MICU2: variants seen among roughly 807,000 people sequenced by gnomAD.
The protein encoded by MICU2 is calcium uptake protein 2, mitochondrial.
A neutral mutation model predicts 60.4 loss-of-function variants in MICU2; 64 were observed. That is an observed-to-expected ratio of 1.06 (90% CI 0.87 to 1.31). MICU2 has a LOEUF of 1.31. Among genes scored for constraint, MICU2 ranks in the 50% most tolerant of loss-of-function variants. The probability of loss-of-function intolerance (pLI) is 0.00; values close to 1 mark genes in which losing one functional copy is unlikely to be tolerated. For synonymous variants in MICU2, 201 were observed against 175.0 expected, an observed-to-expected ratio of 1.15 and a Z score of -1.17; for missense variants, 569 against 531.0, an observed-to-expected ratio of 1.07 and a Z score of -0.70.
At chr13:21,548,836 G>A (rs1178179059) in intron 2 of MICU2, among the ~76,000 whole-genome samples, 1 of 151,292 alleles carries the variant, frequency 6.6e-6, no homozygotes, top group Non-Finnish European at 1.5e-5. Flanking sequence ...AGGTGGGAGG[G>A]TTATACAAGG....
At chr13:21,591,476 A>C (rs535225763) in intron 1 of MICU2, among the ~76,000 whole-genome samples, 45 of 152,328 alleles carry the variant, frequency 3.0e-4, no homozygotes, top group Middle Eastern at 3.4e-3. Context: ...AATGAGACAG[A>C]AAATTAACAT....
At position 21,549,419 on chromosome 13, in the gene MICU2, CA is replaced by C; in HGVS notation, c.359-9732del. Among the ~76,000 whole-genome samples the C allele has an allele frequency of 1.3e-5, 2 of 152,204 alleles. 1 individual carries two copies. The highest frequency in any genetic ancestry group is 4.8e-5 in the African/African-American group (2 of 41,546). ...ACACAGTTCAACTGCAATTAATTTTCAAATTTAAGATTCATTTGTGGAATTT... is the reference window on the plus strand; with the variant it reads ...ACACAGTTCAACTGCAATTAATTTTCAATTTAAGATTCATTTGTGGAATTT... On this transcript the variant is annotated intron_variant, in intron 2 of 11. Coordinates refer to ENST00000382374, the MANE Select transcript of MICU2 (RefSeq NM_152726.3).
intron 4 of MICU2, among the ~76,000 whole-genome samples, chr13:21,533,484 C>T (rs550443864): frequency 1.0e-3 from 156 of 152,006 alleles, no homozygotes; most frequent in Non-Finnish European, 1.6e-3. Context: ...CCACTGCGCC[C>T]GGCTGATTTT....
At chr13:21,540,033 C>T (rs988325121) in intron 2 of MICU2, among the ~76,000 whole-genome samples, 1 of 152,084 alleles carries the variant, frequency 6.6e-6, no homozygotes, top group African/African-American at 2.4e-5. Flanking sequence ...ATTAAAATCA[C>T]TCTCTTTTTA....
intron 2 of MICU2, among the ~76,000 whole-genome samples, chr13:21,552,291 T>C (rs1287207811): frequency 6.6e-6 from 1 of 152,210 alleles, no homozygotes; most frequent in African/African-American, 2.4e-5. Flanking sequence ...GTTTTTTTCT[T>C]GTAAATTTGT....
At chr13:21,494,191 A>T (rs2138123865) in intron 11 of MICU2, among the ~76,000 whole-genome samples, 1 of 152,240 alleles carries the variant, frequency 6.6e-6, no homozygotes, top group South Asian at 2.1e-4. Context: ...AATAATATTT[A>T]TTTTTCCCTA....
intron 9 of MICU2, among the ~76,000 whole-genome samples, chr13:21,497,350 G>A (rs1011469642): frequency 6.6e-6 from 1 of 152,148 alleles, no homozygotes; most frequent in Non-Finnish European, 1.5e-5. Flanking sequence ...GGGTGATGGA[G>A]TGAGACTCTG....
In MICU2 at chr13:21,513,739, C is replaced by CAAAAAA. The variant is rs376128312; in HGVS notation, c.663+608_663+613dup. Among the ~76,000 whole-genome samples, 43 of 59,086 alleles carry CAAAAAA rather than the reference C, an allele frequency of 7.3e-4. 2 individuals carry two copies. Among genetic ancestry groups the CAAAAAA allele is most frequent in the East Asian group, 4.1e-3 (6 of 1,458 alleles). 38.8% of individuals were successfully genotyped at this position (59,086 alleles called of 152,430 possible). ...TGGGAGACTGAGTGAGACTCTGTCT[C>CAAAAAA]AAAAAAAAAAAAAAAAAAAAAAAAA... On this transcript the variant is annotated intron_variant, in intron 7 of 11. Transcript: ENST00000382374.
At chr13:21,556,271 T>C (rs905678247) in intron 2 of MICU2, among the ~76,000 whole-genome samples, 1 of 152,204 alleles carries the variant, frequency 6.6e-6, no homozygotes, top group Non-Finnish European at 1.5e-5. Context: ...GCATTTTTCA[T>C]AGTTGATTAC....
chr13:21,555,257 T>C (rs1487244632), intron 2 of MICU2, among the ~76,000 whole-genome samples: 1 of 152,186 alleles, frequency 6.6e-6, no homozygotes, highest in African/African-American at 2.4e-5. Flanking sequence ...TGAACACTGA[T>C]GCAAAAATCC....
intron 1 of MICU2, among the ~76,000 whole-genome samples, chr13:21,574,283 T>C (rs1230443865): frequency 1.3e-5 from 2 of 152,092 alleles, no homozygotes; most frequent in Admixed American, 6.5e-5. Flanking sequence ...CTACTAAATA[T>C]ATGGAAAAAG....
chr13:21,515,488 G>A (rs1408204028), intron 6 of MICU2: 1 of 390,636 alleles, frequency 2.6e-6, no homozygotes, highest in Admixed American at 3.1e-5. Flanking sequence ...TACTAATTAG[G>A]ACACTGTAAA....
At chr13:21,517,770 G>GACACACACACACACACACACACAC in intron 6 of MICU2, among the ~76,000 whole-genome samples, 1 of 144,612 alleles carries the variant, frequency 6.9e-6, no homozygotes, top group African/African-American at 2.5e-5. Context: ...ACAGAGCGAG[G>GACACACACACACACACACACACAC]ACACACACAC....
chr13:21,508,128 C>CT (rs796385356), intron 8 of MICU2, among the ~76,000 whole-genome samples: 8,891 of 136,850 alleles, frequency 0.065, 815 homozygotes, highest in African/African-American at 0.21. Flanking sequence ...GCTCTTCTTT[C>CT]TTTTTTTTTT....
rs564523568 is a variant in MICU2 at position 21,539,519 on chromosome 13, T to C, written c.390+138A>G. 337 of 1,302,556 alleles carry C rather than the reference T, an allele frequency of 2.6e-4. 5 individuals carry two copies. In the South Asian group the frequency reaches 3.8e-3, roughly 15 times the overall value. 80.7% of individuals were successfully genotyped at this position (1,302,556 alleles called of 1,614,324 possible). On this transcript the variant is annotated intron_variant, in intron 3 of 11. Coordinates refer to ENST00000382374, the MANE Select transcript of MICU2 (RefSeq NM_152726.3). ...GGCTTCACTGTGTTAGCCAGGATGGTGATCTCCTGACCTCGTGATCCGCCC... is the reference window on the plus strand; with the variant it reads ...GGCTTCACTGTGTTAGCCAGGATGGCGATCTCCTGACCTCGTGATCCGCCC...
At chr13:21,538,058 T>A (rs1471512433) in intron 4 of MICU2, among the ~76,000 whole-genome samples, 1 of 152,034 alleles carries the variant, frequency 6.6e-6, no homozygotes, top group African/African-American at 2.4e-5. Flanking sequence ...CCACCTAAAA[T>A]AAACCAATAT....
intron 6 of MICU2, among the ~76,000 whole-genome samples, chr13:21,514,792 G>T (rs547488210): frequency 6.6e-6 from 1 of 150,880 alleles, no homozygotes; most frequent in Non-Finnish European, 1.5e-5. Context: ...CACCCGCCTC[G>T]GCCTCCCAAA....
chr13:21,565,738 C>T (rs1232595517), intron 2 of MICU2, among the ~76,000 whole-genome samples: 1 of 152,150 alleles, frequency 6.6e-6, no homozygotes, highest in Non-Finnish European at 1.5e-5. Context: ...GAGGCTGAGG[C>T]AGGAGAATTG....
intron 1 of MICU2, among the ~76,000 whole-genome samples, chr13:21,584,652 T>C (rs1037597024): frequency 3.9e-5 from 6 of 152,208 alleles, no homozygotes; most frequent in Admixed American, 1.3e-4. Flanking sequence ...TTAAAAAATA[T>C]GATTCATTAT....
Sources: gnomAD v4.1 joint callset for allele counts (sites outside exome capture counted in the v4.1 genomes callset) on GRCh38, gnomAD v4.1.1 for gene constraint, MANE v1.5 for transcripts, NCBI Gene and HGNC (gene_info 2026-07-23, HGNC 2026-07-21) for gene names.